PDCD6IP: variants seen among roughly 807,000 people sequenced by gnomAD.
The protein encoded by PDCD6IP is programmed cell death 6 interacting protein.
PDCD6IP carries 43 observed loss-of-function variants against 103.7 expected under a neutral mutation model. That is an observed-to-expected ratio of 0.41 (90% CI 0.32 to 0.53). The LOEUF (loss-of-function observed/expected upper bound fraction) is 0.53. Among genes scored for constraint, PDCD6IP ranks in the 20% least tolerant of loss-of-function variants. The probability of loss-of-function intolerance (pLI) is 0.16; values close to 1 mark genes in which losing one functional copy is unlikely to be tolerated. For missense variants in PDCD6IP, 871 were observed against 1,036.7 expected, an observed-to-expected ratio of 0.84 and a Z score of 2.20; for synonymous variants, 354 against 378.7, an observed-to-expected ratio of 0.93 and a Z score of 0.76.
chr3:33,799,849 G>C (rs925844870), intron 1 of PDCD6IP, among the ~76,000 whole-genome samples: 5 of 152,010 alleles, frequency 3.3e-5, no homozygotes, highest in African/African-American at 1.2e-4. Flanking sequence ...TGCCGGGCGC[G>C]GTGGCTCACG....
intron 12 of PDCD6IP, among the ~76,000 whole-genome samples, chr3:33,847,905 A>T (rs1046741497): frequency 2.6e-5 from 4 of 151,748 alleles, no homozygotes; most frequent in Non-Finnish European, 4.4e-5. Flanking sequence ...AGGAACATGT[A>T]TTTTTTTGCA....
rs1698039050 is a variant in PDCD6IP at position 33,865,321 on chromosome 3, T to C, written c.2323T>C (p.Ser775Pro). Residue 775 changes from serine (S) to proline (P), a missense_variant, in exon 17 of 18, where the codon TCT becomes CCT. This residue lies in a region of PDCD6IP where 202 missense variants were observed against 205.2 expected (regional missense o/e 0.98). Transcript: ENST00000307296. ...TCGAGCTCCTTCTGCTACTGCTCCA[T>C]CTCCAGTGGGGGCTGGGACTGCTGC... ...ANRAPSATAP[S>P]PVGAGTAAPA... 10 of 1,595,246 alleles carry C rather than the reference T, an allele frequency of 6.3e-6. No individual in the cohort carries two copies. The highest frequency in any genetic ancestry group is 8.5e-6 in the Non-Finnish European group (10 of 1,171,878).
intron 15 of PDCD6IP, among the ~76,000 whole-genome samples, chr3:33,856,996 C>G (rs1697843460): frequency 6.6e-6 from 1 of 152,082 alleles, no homozygotes; most frequent in Non-Finnish European, 1.5e-5. Flanking sequence ...ATTCATCTCT[C>G]TGTTCATATT....
chr3:33,810,913 T>TTTTA, intron 1 of PDCD6IP: 2 of 159,486 alleles, frequency 1.3e-5, no homozygotes, highest in South Asian at 2.9e-4. Context: ...TTTTTTTTTT[T>TTTTA]GAGACAGGTT....
At chr3:33,861,673 A>C (rs1697959386) in intron 15 of PDCD6IP, among the ~76,000 whole-genome samples, 1 of 152,196 alleles carries the variant, frequency 6.6e-6, no homozygotes, top group Non-Finnish European at 1.5e-5. Flanking sequence ...TCCTCCTAGC[A>C]ATATATGAGA....
chr3:33,829,624 A>G (rs1225000465), intron 7 of PDCD6IP, among the ~76,000 whole-genome samples: 1 of 152,156 alleles, frequency 6.6e-6, no homozygotes, highest in Non-Finnish European at 1.5e-5. Context: ...CAGCAGGAGC[A>G]AGAGCTGTTT....
chr3:33,815,828 T>G (rs997643726), intron 3 of PDCD6IP, among the ~76,000 whole-genome samples: 1 of 152,188 alleles, frequency 6.6e-6, no homozygotes, highest in African/African-American at 2.4e-5. Context: ...AAATAAAGGA[T>G]TTAAAGCTCA....
At position 33,865,258 on chromosome 3, in the gene PDCD6IP, C is replaced by T. The variant is rs1469277760; in HGVS notation, c.2260C>T (p.Pro754Ser). 2 of 1,553,392 alleles carry T rather than the reference C, an allele frequency of 1.3e-6. No individual in the cohort carries two copies. Among genetic ancestry groups the T allele is most frequent in the Non-Finnish European group, 8.6e-7 (1 of 1,156,116 alleles). ...TTTCTTATAGCCTACTAAGCCCCAG[C>T]CCCCAGCCAGGCCTCCACCACCTGT... is the stretch of plus-strand genomic sequence containing the variant. ...PRTMPPTKPQ[P>S]PARPPPPVLP... The change falls in exon 17 of 18, where the codon CCC becomes TCC. Residue 754 changes from proline (P) to serine (S), a missense_variant. Pro to Ser is a moderately conservative substitution (Grantham distance 74). Coordinates refer to ENST00000307296, the MANE Select transcript of PDCD6IP (RefSeq NM_013374.6).
rs78856902 is a variant in PDCD6IP at position 33,799,693 on chromosome 3, G to C, written c.209+756G>C. Among the ~76,000 whole-genome samples the C allele has an allele frequency of 1.7e-3, 264 of 152,228 alleles. 1 individual carries two copies. Among genetic ancestry groups the C allele is most frequent in the African/African-American group, 5.8e-3 (239 of 41,516 alleles). On this transcript the variant is annotated intron_variant, in intron 1 of 17. Coordinates refer to ENST00000307296, the MANE Select transcript of PDCD6IP (RefSeq NM_013374.6). Reference sequence around the variant, plus strand: ...TAAGAACATTTTTTACGATTTTATAGTTAAACATTTCTTTTGCATACCTTG... The same window carrying C: ...TAAGAACATTTTTTACGATTTTATACTTAAACATTTCTTTTGCATACCTTG...
intron 3 of PDCD6IP, among the ~76,000 whole-genome samples, chr3:33,820,872 A>G (rs1049511269): frequency 2.0e-5 from 3 of 152,194 alleles, no homozygotes; most frequent in African/African-American, 7.2e-5. Context: ...GCATACGTAT[A>G]TCTCTTTGAG....
intron 15 of PDCD6IP, 107 bp from the exon 16 acceptor site, chr3:33,863,899 T>C (rs1051741538): frequency 4.1e-6 from 3 of 728,682 alleles, no homozygotes; most frequent in African/African-American, 3.5e-5. Flanking sequence ...CATCATTGTT[T>C]GGAATCCATT....
chr3:33,816,270 G>T (rs561464689), intron 3 of PDCD6IP, among the ~76,000 whole-genome samples: 1 of 152,150 alleles, frequency 6.6e-6, no homozygotes, highest in Non-Finnish European at 1.5e-5. Flanking sequence ...AGTTTGGGAG[G>T]CCGAGGTGGG....
chr3:33,808,851 T>C (rs1423336437), intron 1 of PDCD6IP, among the ~76,000 whole-genome samples: 1 of 152,226 alleles, frequency 6.6e-6, no homozygotes, highest in Non-Finnish European at 1.5e-5. Flanking sequence ...ATTACTTCTT[T>C]GACTTCATCA....
At chr3:33,860,701 ATAGTT>A (rs1559798849) in intron 15 of PDCD6IP, among the ~76,000 whole-genome samples, 9 of 152,212 alleles carry the variant, frequency 5.9e-5, no homozygotes, top group Admixed American at 5.9e-4. Context: ...ATTCATCAGT[ATAGTT>A]GTGTGTATTT....
intron 7 of PDCD6IP, among the ~76,000 whole-genome samples, chr3:33,834,505 T>A (rs1697306722): frequency 6.6e-6 from 1 of 152,186 alleles, no homozygotes; most frequent in South Asian, 2.1e-4. Flanking sequence ...GTAGCTTTTG[T>A]TTTGTTTTGG....
intron 7 of PDCD6IP, 26 bp from the exon 8 acceptor site, chr3:33,836,018 T>TTG: frequency 8.0e-7 from 1 of 1,253,496 alleles, no homozygotes; most frequent in Non-Finnish European, 1.1e-6. Flanking sequence ...CTTTTTTTTT[T>TTG]TTGTTGTTGA....
intron 7 of PDCD6IP, among the ~76,000 whole-genome samples, chr3:33,833,966 T>C (rs1221350203): frequency 4.6e-5 from 7 of 152,168 alleles, no homozygotes; most frequent in Non-Finnish European, 8.8e-5. Context: ...ACTACCTCTG[T>C]ACCTGTGCTT....
chr3:33,826,718 GTTTT>G, intron 6 of PDCD6IP, 138 bp downstream of exon 6: 3 of 1,085,738 alleles, frequency 2.8e-6, no homozygotes, highest in East Asian at 3.3e-5. Context: ...AGTAGAAATA[GTTTT>G]TTTTTTTTTT....
At chr3:33,828,184 G>T (rs1317636885) in intron 6 of PDCD6IP, among the ~76,000 whole-genome samples, 1 of 151,980 alleles carries the variant, frequency 6.6e-6, no homozygotes, top group Admixed American at 6.6e-5. Flanking sequence ...AAACAAATAG[G>T]CAAAATAACA....
Sources: allele counts gnomAD v4.1 joint callset (sites outside exome capture counted in the v4.1 genomes callset), GRCh38; gene constraint gnomAD v4.1.1; regional missense constraint gnomAD v4.1.1; transcripts MANE v1.5; gene names NCBI Gene and HGNC (gene_info 2026-07-23, HGNC 2026-07-21).